The following OXCT1 variants were observed in gnomAD, a reference collection of about 807,000 sequenced individuals.
OXCT1 encodes succinyl-CoA:3-ketoacid coenzyme A transferase 1, mitochondrial.
In OXCT1, 27 loss-of-function variants were observed where a neutral mutation model predicts 69.6. The observed-to-expected ratio is 0.39, with a 90% confidence interval of 0.29 to 0.54. OXCT1 has a LOEUF of 0.54. Among genes scored for constraint, OXCT1 ranks in the 20% least tolerant of loss-of-function variants. OXCT1 has a pLI of 0.72. For missense variants in OXCT1, 437 were observed against 650.2 expected (o/e 0.67, Z 3.57); for synonymous variants, 202 against 217.8 (o/e 0.93, Z 0.64).
chr5:41,862,726 T>G lies in OXCT1; in HGVS notation c.103A>C (p.Ser35Arg). ...TAAAACTTGGTATGGCGATGAGCACTGGTGGAAAAGGAACAAACACATCCC... is the reference window on the plus strand; with the variant it reads ...TAAAACTTGGTATGGCGATGAGCACGGGTGGAAAAGGAACAAACACATCCC... Reference protein sequence around the residue: ...YKGCVCSFSTSAHRHTKFYTD... With the variant: ...YKGCVCSFSTRAHRHTKFYTD... The change falls in exon 2 of 17, where the codon AGT becomes CGT. Residue 35 changes from serine to arginine, a missense_variant. Transcript: ENST00000196371. 6.2e-7 allele frequency: 1 copy of G among 1,611,588 alleles called. No homozygotes were observed. The highest frequency in any genetic ancestry group is 8.5e-7 in the Non-Finnish European group (1 of 1,177,992).
chr5:41,743,494 T>C (rs1309287807), intron 15 of OXCT1, among the ~76,000 whole-genome samples: 1 of 152,214 alleles, frequency 6.6e-6, no homozygotes, highest in African/African-American at 2.4e-5. Context: ...TTAGATCCCA[T>C]TTGTCAATTT....
intron 16 of OXCT1, among the ~76,000 whole-genome samples, chr5:41,734,431 C>T (rs1202785273): frequency 3.9e-5 from 6 of 152,138 alleles, no homozygotes; most frequent in Admixed American, 3.9e-4. Context: ...ACCCAAATAA[C>T]CAATTGAAAG....
chr5:41,779,052 C>A (rs1354443440), intron 13 of OXCT1, among the ~76,000 whole-genome samples: 1 of 152,170 alleles, frequency 6.6e-6, no homozygotes, highest in Non-Finnish European at 1.5e-5. Flanking sequence ...CCTTTAAGAT[C>A]ACTATAGGCT....
At chr5:41,758,414 GAAAAATA>G (rs1443163789) in intron 14 of OXCT1, among the ~76,000 whole-genome samples, 1 of 152,120 alleles carries the variant, frequency 6.6e-6, no homozygotes, top group African/African-American at 2.4e-5. Flanking sequence ...GCCACTGAGT[GAAAAATA>G]GTACTTGGTA....
At chr5:41,760,241 A>G (rs1468248026) in intron 14 of OXCT1, among the ~76,000 whole-genome samples, 1 of 152,134 alleles carries the variant, frequency 6.6e-6, no homozygotes, top group East Asian at 1.9e-4. Flanking sequence ...TTATTTTTCA[A>G]AGGTTAACTG....
At chr5:41,796,114 C>T (rs760931399) in intron 11 of OXCT1, among the ~76,000 whole-genome samples, 1 of 152,104 alleles carries the variant, frequency 6.6e-6, no homozygotes, top group Non-Finnish European at 1.5e-5. Context: ...TCCAAGAGGT[C>T]CCCTTGGAAG....
intron 7 of OXCT1, among the ~76,000 whole-genome samples, chr5:41,818,591 C>T (rs1249131911): frequency 1.3e-5 from 2 of 152,098 alleles, no homozygotes; most frequent in African/African-American, 2.4e-5. Context: ...ATTGTGGCTT[C>T]TCACAAGAAA....
At chr5:41,778,371 C>T (rs1745227601) in intron 13 of OXCT1, among the ~76,000 whole-genome samples, 1 of 152,146 alleles carries the variant, frequency 6.6e-6, no homozygotes, top group Non-Finnish European at 1.5e-5. Context: ...AATTCCACTA[C>T]ACTGGTTAAG....
intron 5 of OXCT1, among the ~76,000 whole-genome samples, chr5:41,845,108 C>T (rs952392225): frequency 1.6e-4 from 25 of 152,176 alleles, no homozygotes; most frequent in African/African-American, 5.8e-4. Context: ...TCTTCAATCT[C>T]CATCCTTATC....
intron 10 of OXCT1, among the ~76,000 whole-genome samples, chr5:41,802,463 A>C (rs1054008240): frequency 6.6e-6 from 1 of 152,106 alleles, no homozygotes; most frequent in African/African-American, 2.4e-5. Context: ...CTGGATGCTT[A>C]ATCTTAAGGA....
intron 13 of OXCT1, among the ~76,000 whole-genome samples, chr5:41,768,480 C>A (rs1015248750): frequency 2.6e-5 from 4 of 152,134 alleles, no homozygotes; most frequent in African/African-American, 9.7e-5. Flanking sequence ...ATGATCCAAA[C>A]TAAATTAAGT....
chr5:41,806,642 C>A (rs1046518330), intron 8 of OXCT1, among the ~76,000 whole-genome samples: 2 of 152,060 alleles, frequency 1.3e-5, no homozygotes, highest in Admixed American at 6.6e-5. Flanking sequence ...TTGTGACATG[C>A]CTGCTTCCCC....
chr5:41,743,753 T>C (rs1021098388), intron 15 of OXCT1, among the ~76,000 whole-genome samples: 1 of 152,212 alleles, frequency 6.6e-6, no homozygotes, highest in African/African-American at 2.4e-5. Flanking sequence ...TCCCCATTGC[T>C]TGTTTTTGTC....
At position 41,794,015 on chromosome 5, in the gene OXCT1, G is replaced by A; in HGVS notation, c.1236C>T (p.Asn412=). 3 of 1,605,868 alleles carry A rather than the reference G, an allele frequency of 1.9e-6. No homozygotes were observed. The South Asian group carries it at 3.3e-5, about 18-fold the overall frequency. The part of the protein sequence containing the change: ...MQVSKYGDLA[N]WMIPGKMVKG... ...AATGTCTACTTACAGGTATCATCCA[G>A]TTAGCCAGGTCACCATATTTGGAAA... Residue 412 remains asparagine, a synonymous_variant, in exon 13 of 17, where the codon AAC becomes AAT. Transcript: ENST00000196371.
At chr5:41,769,617 T>C (rs1744785777) in intron 13 of OXCT1, among the ~76,000 whole-genome samples, 1 of 149,302 alleles carries the variant, frequency 6.7e-6, no homozygotes, top group Non-Finnish European at 1.5e-5. Flanking sequence ...TGGTCCCAGC[T>C]ACTCGAGAAG....
chr5:41,765,316 T>C (rs1744544014), intron 13 of OXCT1, among the ~76,000 whole-genome samples: 1 of 152,186 alleles, frequency 6.6e-6, no homozygotes, highest in Non-Finnish European at 1.5e-5. Context: ...TTCATGTTTT[T>C]TCACGTTCTG....
chr5:41,754,062 A>G (rs552779663), intron 14 of OXCT1, among the ~76,000 whole-genome samples: 2 of 152,150 alleles, frequency 1.3e-5, no homozygotes, highest in East Asian at 3.9e-4. Context: ...GTTAAGAGAG[A>G]AACAGTGAAT....
intron 13 of OXCT1, among the ~76,000 whole-genome samples, chr5:41,764,346 A>G (rs1165429583): frequency 6.6e-6 from 1 of 152,144 alleles, no homozygotes; most frequent in African/African-American, 2.4e-5. Context: ...GTATGAGATG[A>G]TGTATGCAAA....
At chr5:41,861,997 G>A (rs1473846315) in intron 2 of OXCT1, among the ~76,000 whole-genome samples, 8 of 152,142 alleles carry the variant, frequency 5.3e-5, no homozygotes, top group Non-Finnish European at 1.0e-4. Flanking sequence ...GATGACTAGA[G>A]GTCAGGAGTT....
Sources: allele counts gnomAD v4.1 joint callset (sites outside exome capture counted in the v4.1 genomes callset), GRCh38; gene constraint gnomAD v4.1.1; transcripts MANE v1.5; gene names NCBI Gene and HGNC (gene_info 2026-07-23, HGNC 2026-07-21).